The following LRRC4C variants were observed in gnomAD, a reference collection of about 807,000 sequenced individuals.
LRRC4C encodes the protein leucine-rich repeat-containing protein 4C.
Under a neutral mutation model 33.6 loss-of-function variants are expected in LRRC4C, and 5 were observed. That is an observed-to-expected ratio of 0.15 (90% CI 0.08 to 0.31). LRRC4C has a LOEUF of 0.31. Ranked by LOEUF, LRRC4C falls within the 10% of genes least tolerant of loss-of-function variation. The pLI is 1.00. For missense variants in LRRC4C, 560 were observed against 796.7 expected, an observed-to-expected ratio of 0.70 and a Z score of 3.58; for synonymous variants, 329 against 302.0, an observed-to-expected ratio of 1.09 and a Z score of -0.93.
intron 1 of LRRC4C, among the ~76,000 whole-genome samples, chr11:41,393,298 C>T (rs556985874): frequency 1.3e-5 from 2 of 151,828 alleles, no homozygotes; most frequent in African/African-American, 4.8e-5. Context: ...TGGGGTTGCT[C>T]AATGGATCTG....
intron 2 of LRRC4C, among the ~76,000 whole-genome samples, chr11:40,858,781 A>T (rs993673499): frequency 6.7e-6 from 1 of 149,870 alleles, no homozygotes; most frequent in African/African-American, 2.4e-5. Flanking sequence ...TTCAGGGATG[A>T]TGTATTTTAA....
chr11:40,335,960 G>T (rs1158362), intron 3 of LRRC4C, among the ~76,000 whole-genome samples: 48,601 of 152,016 alleles, frequency 0.32, 8,016 homozygotes, highest in Admixed American at 0.42. Context: ...CTAATAGCCC[G>T]TACCACATAG....
At chr11:40,795,583 C>A (rs961689276) in intron 2 of LRRC4C, among the ~76,000 whole-genome samples, 1 of 151,718 alleles carries the variant, frequency 6.6e-6, no homozygotes, top group African/African-American at 2.4e-5. Flanking sequence ...AAAATAGAAA[C>A]GGTAATTATG....
chr11:40,818,591 A>G (rs1438612605), intron 2 of LRRC4C, among the ~76,000 whole-genome samples: 1 of 152,044 alleles, frequency 6.6e-6, no homozygotes, highest in Non-Finnish European at 1.5e-5. Context: ...AAGGAAAAAA[A>G]TGATTTACTT....
At chr11:40,926,949 A>T (rs533622600) in intron 2 of LRRC4C, among the ~76,000 whole-genome samples, 1 of 152,272 alleles carries the variant, frequency 6.6e-6, no homozygotes, top group Admixed American at 6.5e-5. Flanking sequence ...TCATTAGGGG[A>T]CTTATATTTA....
intron 1 of LRRC4C, among the ~76,000 whole-genome samples, chr11:41,439,795 T>A (rs1955554645): frequency 6.6e-6 from 1 of 152,210 alleles, no homozygotes; most frequent in Non-Finnish European, 1.5e-5. Context: ...GCAGAAAGCA[T>A]CTCTGAAAGG....
chr11:40,889,107 G>T (rs1359022794), intron 2 of LRRC4C, among the ~76,000 whole-genome samples: 1 of 151,932 alleles, frequency 6.6e-6, no homozygotes, highest in African/African-American at 2.4e-5. Context: ...AAATAATTTA[G>T]AATGTGCCCC....
At chr11:40,661,297 T>C (rs549114946) in intron 2 of LRRC4C, among the ~76,000 whole-genome samples, 1 of 152,142 alleles carries the variant, frequency 6.6e-6, no homozygotes, top group African/African-American at 2.4e-5. Context: ...AATTTGAGTT[T>C]AAACATACTT....
At chr11:40,350,804 T>C (rs1167194298) in intron 3 of LRRC4C, among the ~76,000 whole-genome samples, 5 of 152,066 alleles carry the variant, frequency 3.3e-5, no homozygotes, top group Admixed American at 3.3e-4. Flanking sequence ...TGTAGAGATC[T>C]TTTACTTCTT....
At position 40,161,899 on chromosome 11, in the gene LRRC4C, A is replaced by G. The variant is rs149102852; in HGVS notation, c.-95-21046T>C. ...TCTGTGTGTGTAGTTGAGAAGGGGT[A>G]ACGTCTTAGTCCATTTGTGCTGCTA... is the stretch of plus-strand genomic sequence containing the variant. On this transcript the variant is annotated intron_variant, in intron 5 of 6. Transcript: ENST00000528697. 8.2e-3 allele frequency among the ~76,000 whole-genome samples: 1,246 copies of G among 152,310 alleles called. 4 individuals are homozygous for G. Among genetic ancestry groups the G allele is most frequent in the Non-Finnish European group, 0.011 (762 of 68,028 alleles).
chr11:40,653,456 C>T (rs1942925101), intron 2 of LRRC4C, among the ~76,000 whole-genome samples: 1 of 152,114 alleles, frequency 6.6e-6, no homozygotes, highest in South Asian at 2.1e-4. Context: ...GGCATTTTGT[C>T]CCAGCCCTGG....
intron 5 of LRRC4C, among the ~76,000 whole-genome samples, chr11:40,163,303 T>C (rs902570140): frequency 1.3e-5 from 2 of 152,196 alleles, no homozygotes; most frequent in South Asian, 2.1e-4. Context: ...TTGATCTTAG[T>C]AAAGATTGCC....
At chr11:41,363,281 CACA>C (rs1220784418) in intron 1 of LRRC4C, among the ~76,000 whole-genome samples, 4 of 152,146 alleles carry the variant, frequency 2.6e-5, no homozygotes, top group African/African-American at 7.2e-5. Context: ...TTGAGTCATC[CACA>C]ACAAGTACAG....
At chr11:41,112,930 G>C (rs1402411061) in intron 1 of LRRC4C, among the ~76,000 whole-genome samples, 1 of 152,020 alleles carries the variant, frequency 6.6e-6, no homozygotes, top group Non-Finnish European at 1.5e-5. Flanking sequence ...TTATTAATTT[G>C]TGTGTATGAC....
At chr11:40,151,268 C>A (rs1202979752) in intron 5 of LRRC4C, among the ~76,000 whole-genome samples, 1 of 152,192 alleles carries the variant, frequency 6.6e-6, no homozygotes, top group Non-Finnish European at 1.5e-5. Flanking sequence ...AGACAACAGA[C>A]TCTGAAATGT....
chr11:40,429,905 T>C (rs1950854554), intron 3 of LRRC4C, among the ~76,000 whole-genome samples: 1 of 152,206 alleles, frequency 6.6e-6, no homozygotes, highest in African/African-American at 2.4e-5. Flanking sequence ...GTGTTAAATA[T>C]AATACATGAA....
chr11:40,955,209 C>A (rs1958903360), intron 1 of LRRC4C, among the ~76,000 whole-genome samples: 1 of 151,600 alleles, frequency 6.6e-6, no homozygotes, highest in South Asian at 2.1e-4. Context: ...TAAAAACAGC[C>A]CAAGAGATTC....
At chr11:40,658,226 T>C (rs1943235744) in intron 2 of LRRC4C, among the ~76,000 whole-genome samples, 1 of 152,196 alleles carries the variant, frequency 6.6e-6, no homozygotes, top group African/African-American at 2.4e-5. Flanking sequence ...CAAACCTTTA[T>C]GTAGAATTTA....
intron 4 of LRRC4C, among the ~76,000 whole-genome samples, chr11:40,259,781 TG>T (rs1490151970): frequency 2.0e-5 from 3 of 152,242 alleles, no homozygotes; most frequent in African/African-American, 7.2e-5. Flanking sequence ...ATCTCTGTTT[TG>T]GTACCAGTAC....
Sources: allele counts gnomAD v4.1 joint callset (sites outside exome capture counted in the v4.1 genomes callset), GRCh38; gene constraint gnomAD v4.1.1; transcripts MANE v1.5; gene names NCBI Gene and HGNC (gene_info 2026-07-23, HGNC 2026-07-21).